Variants in CCM2 observed in about 807,000 individuals in gnomAD.
CCM2 encodes the protein cerebral cavernous malformations 2 protein.
CCM2 carries 25 observed loss-of-function variants against 44.9 expected under a neutral mutation model. The ratio of observed to expected loss-of-function variants is 0.56; its 90% confidence interval spans 0.41 to 0.78. CCM2 has a LOEUF of 0.78. Ranked by LOEUF, CCM2 falls within the 30% of genes least tolerant of loss-of-function variation. The pLI is 0.00. For missense variants in CCM2, 481 were observed against 580.6 expected (o/e 0.83, Z 1.76); for synonymous variants, 219 against 241.1 (o/e 0.91, Z 0.85).
chr7:45,048,242 C>T (rs1797849958), intron 2 of CCM2, among the ~76,000 whole-genome samples: 2 of 152,060 alleles, frequency 1.3e-5, no homozygotes, highest in African/African-American at 4.8e-5. Flanking sequence ...ATTTTTTGAA[C>T]TTTATTTGCC....
intron 1 of CCM2, among the ~76,000 whole-genome samples, chr7:45,020,919 G>A (rs1796456923): frequency 6.6e-6 from 1 of 152,100 alleles, no homozygotes; most frequent in African/African-American, 2.4e-5. Flanking sequence ...TAATAATACA[G>A]TCTTATTACC....
At chr7:45,046,266 A>T (rs927791760) in intron 2 of CCM2, among the ~76,000 whole-genome samples, 1 of 152,236 alleles carries the variant, frequency 6.6e-6, no homozygotes, top group Non-Finnish European at 1.5e-5. Flanking sequence ...TGAAATTTAA[A>T]TGGAGAGGCA....
intron 1 of CCM2, among the ~76,000 whole-genome samples, chr7:45,022,376 G>C (rs533856602): frequency 7.2e-6 from 1 of 138,664 alleles, no homozygotes; most frequent in African/African-American, 2.7e-5. Flanking sequence ...GTGCGATCTC[G>C]GTTCACTGCA....
chr7:45,037,780 TC>T (rs1240749517), intron 1 of CCM2, among the ~76,000 whole-genome samples: 3 of 152,118 alleles, frequency 2.0e-5, no homozygotes, highest in Non-Finnish European at 4.4e-5. Context: ...CTTGGAGTGT[TC>T]CCCACTGGGG....
At position 45,024,436 on chromosome 7, in the gene CCM2, T is replaced by C. The variant is rs982272590; in HGVS notation, c.31-13817T>C. Among the ~76,000 whole-genome samples, 34 of 134,806 alleles carry C rather than the reference T, an allele frequency of 2.5e-4. 1 individual carries two copies. 88.4% of individuals were successfully genotyped at this position (134,806 alleles called of 152,430 possible). On this transcript the variant is annotated intron_variant, in intron 1 of 9. Transcript: ENST00000258781. ...ATCTTACAGATTTTCCTTTGTTTGC[T>C]TGCTGAACACTGTCATTGTCACCCT...
At position 45,002,465 on chromosome 7, in the gene CCM2, A is replaced by G. The variant is rs1280902409; in HGVS notation, c.30+2102A>G. Among the ~76,000 whole-genome samples the G allele has an allele frequency of 2.0e-5, 3 of 151,782 alleles. No individual in the cohort carries two copies. The East Asian group carries it at 5.8e-4, about 29-fold the overall frequency. On this transcript the variant is annotated intron_variant, in intron 1 of 9. Transcript: ENST00000258781. Reference sequence around the variant, plus strand: ...TCGCCTATAGTCTCAGCTACTTGGGAGGCTGAGGCAGGAGGATCACCTGAG... The same window carrying G: ...TCGCCTATAGTCTCAGCTACTTGGGGGGCTGAGGCAGGAGGATCACCTGAG...
Position 45,064,589 on chromosome 7 carries a change from A to G in CCM2, c.415A>G (p.Ile139Val), listed in dbSNP as rs375907883. 1 of 1,613,940 alleles carries G rather than the reference A, an allele frequency of 6.2e-7. No individual in the cohort carries two copies. The highest frequency in any genetic ancestry group is 8.5e-7 in the Non-Finnish European group (1 of 1,180,052). ...DIILRVPIHDIAAVSYVRDDA... is the reference protein window; with the variant it reads ...DIILRVPIHDVAAVSYVRDDA... ...CATCCTCAGGGTGCCCATCCATGAC[A>G]TCGCCGCCGTCTCCTATGTTCGGGA... The change falls in exon 4 of 10, where the codon ATC becomes GTC. Residue 139 changes from isoleucine to valine, a missense_variant. Ile to Val is a conservative substitution (Grantham distance 29). Transcript: ENST00000258781.
At chr7:45,001,034 C>G (rs1562849388) in intron 1 of CCM2, among the ~76,000 whole-genome samples, 2 of 152,158 alleles carry the variant, frequency 1.3e-5, no homozygotes, top group African/African-American at 4.8e-5. Flanking sequence ...TAAAATGTAT[C>G]TTTTTCAAAT....
intron 8 of CCM2, chr7:45,073,869 G>A: frequency 5.5e-6 from 3 of 545,744 alleles, no homozygotes; most frequent in Non-Finnish European, 9.9e-6. Context: ...CACATGGCCA[G>A]ACATTTTTAT....
Position 45,034,419 on chromosome 7 carries a change from G to A in CCM2, c.31-3834G>A, listed in dbSNP as rs1797114443. Among the ~76,000 whole-genome samples the A allele has an allele frequency of 2.6e-5, 4 of 150,946 alleles. No individual in the cohort carries two copies. The South Asian group carries it at 8.3e-4, about 31-fold the overall frequency. ...GTAGTGACGGGGTTTCACCATCTTG[G>A]CCAGGCTGGTCTCAAACTCTTGACC... On this transcript the variant is annotated intron_variant, in intron 1 of 9. Coordinates refer to ENST00000258781, the MANE Select transcript of CCM2 (RefSeq NM_031443.4).
chr7:45,037,188 G>C (rs1178381194), intron 1 of CCM2, among the ~76,000 whole-genome samples: 1 of 150,814 alleles, frequency 6.6e-6, no homozygotes, highest in Non-Finnish European at 1.5e-5. Context: ...TGTCAAAGGT[G>C]GTGATGAAAA....
At chr7:45,008,456 G>C (rs1330177784) in intron 1 of CCM2, among the ~76,000 whole-genome samples, 2 of 147,824 alleles carry the variant, frequency 1.4e-5, no homozygotes, top group Non-Finnish European at 3.0e-5. Context: ...CTACCTCCCA[G>C]GTTCAAGCGA....
Position 45,000,287 on chromosome 7 carries a change from G to A in CCM2, c.-47G>A. The A allele has an allele frequency of 8.3e-7, 1 of 1,205,978 alleles. No individual in the cohort carries two copies. 74.7% of individuals were successfully genotyped at this position (1,205,978 alleles called of 1,614,324 possible). Reference sequence around the variant, plus strand: ...AGCATGTAGCGGCTGCTGGCGGCGGGGCTCCCGGGGCGGGCCGGGCGGGCC... The same window carrying A: ...AGCATGTAGCGGCTGCTGGCGGCGGAGCTCCCGGGGCGGGCCGGGCGGGCC... On this transcript the variant is annotated 5_prime_UTR_variant, in exon 1 of 10. Transcript: ENST00000258781.
In CCM2 at chr7:45,074,299, C is replaced by G; in HGVS notation, c.945C>G (p.Ile315Met). 6.2e-7 allele frequency: 1 copy of G among 1,613,724 alleles called. No individual in the cohort carries two copies. Among genetic ancestry groups the G allele is most frequent in the Non-Finnish European group, 8.5e-7 (1 of 1,180,008 alleles). Reference sequence around the variant, plus strand: ...GCACCAAGCTGTCATCACAGGAGATCCAGCAGTTTGCAGCACTGCTGCACG... The same window carrying G: ...GCACCAAGCTGTCATCACAGGAGATGCAGCAGTTTGCAGCACTGCTGCACG... ...TLRTKLSSQE[I>M]QQFAALLHEY... Residue 315 changes from isoleucine (I) to methionine (M), a missense_variant, in exon 9 of 10, where the codon ATC becomes ATG. Coordinates refer to ENST00000258781, the MANE Select transcript of CCM2 (RefSeq NM_031443.4).
chr7:45,066,665 T>C (rs2128748889), intron 4 of CCM2, among the ~76,000 whole-genome samples: 1 of 152,102 alleles, frequency 6.6e-6, no homozygotes, highest in East Asian at 1.9e-4. Flanking sequence ...TGGAGGGTGA[T>C]GACTTGAGTT....
chr7:45,002,430 G>A (rs987753035), intron 1 of CCM2, among the ~76,000 whole-genome samples: 11 of 152,098 alleles, frequency 7.2e-5, no homozygotes, highest in Admixed American at 4.6e-4. Flanking sequence ...TTAGCCAGGC[G>A]CGGCAGCGCT....
rs532055253 is a variant in CCM2, at chr7:45,076,361, G to C, written c.*304G>C. The stretch of plus-strand genomic sequence containing the variant: ...CAGGGAGAGCCAGTCCTGTCGGCTG[G>C]GCCCTTGGACGGCTGTCAGTTTTGC... On this transcript the variant is annotated 3_prime_UTR_variant, in exon 10 of 10. Transcript: ENST00000258781. 8 of 573,582 alleles carry C rather than the reference G, an allele frequency of 1.4e-5. No homozygotes were observed. The highest frequency in any genetic ancestry group is 2.6e-5 in the Non-Finnish European group (8 of 307,642). 35.5% of individuals were successfully genotyped at this position (573,582 alleles called of 1,614,324 possible).
chr7:45,053,711 G>A (rs1352875247), intron 2 of CCM2, among the ~76,000 whole-genome samples: 1 of 152,186 alleles, frequency 6.6e-6, no homozygotes, highest in Non-Finnish European at 1.5e-5. Context: ...CCCCTTCGGA[G>A]GCTGGCCAGT....
At position 45,064,513 on chromosome 7, in the gene CCM2, C is replaced by T. The variant is rs146259619; in HGVS notation, c.339C>T (p.Leu113=). 3.4e-4 allele frequency: 546 copies of T among 1,613,820 alleles called. 2 individuals carry two copies. Among genetic ancestry groups the T allele is most frequent in the South Asian group, 2.3e-3 (210 of 91,038 alleles). The change falls in exon 4 of 10, where the codon CTC becomes CTT. Residue 113 remains leucine (L), a synonymous_variant. Coordinates refer to ENST00000258781, the MANE Select transcript of CCM2 (RefSeq NM_031443.4). Reference sequence around the variant, plus strand: ...TGACTCAGGAGCACGATGCTGTGCTCAGCCTGTCTGCGTACAACGTCAAGC... The same window carrying T: ...TGACTCAGGAGCACGATGCTGTGCTTAGCCTGTCTGCGTACAACGTCAAGC... ...GHLTQEHDAV[L]SLSAYNVKLA...
Sources: allele counts gnomAD v4.1 joint callset (sites outside exome capture counted in the v4.1 genomes callset), GRCh38; gene constraint gnomAD v4.1.1; transcripts MANE v1.5; gene names NCBI Gene and HGNC (gene_info 2026-07-23, HGNC 2026-07-21).